EPHA5: variants seen among roughly 807,000 people sequenced by gnomAD.
EPHA5 encodes the protein EPH receptor A5, also known as ephrin type-A receptor 5.
EPHA5 carries 60 observed loss-of-function variants against 105.0 expected under a neutral mutation model. The observed-to-expected ratio is 0.57, with a 90% CI of 0.46 to 0.71. The LOEUF (loss-of-function observed/expected upper bound fraction) is 0.71, where lower values mean the gene tolerates loss of function less well. EPHA5 is among the 30% of genes least tolerant of loss of function. EPHA5 has a pLI of 0.00. For missense variants in EPHA5, 1,218 were observed against 1,274.7 expected, an observed-to-expected ratio of 0.96 and a Z score of 0.68; for synonymous variants, 513 against 449.1, an observed-to-expected ratio of 1.14 and a Z score of -1.80.
intron 14 of EPHA5, among the ~76,000 whole-genome samples, chr4:65,343,534 A>AT (rs1721935130): frequency 6.6e-6 from 1 of 152,196 alleles, no homozygotes; most frequent in African/African-American, 2.4e-5. Context: ...GGAATATATC[A>AT]TTTGAAATTG....
intron 5 of EPHA5, among the ~76,000 whole-genome samples, chr4:65,483,200 T>C (rs1387072014): frequency 6.6e-6 from 1 of 152,218 alleles, no homozygotes; most frequent in Non-Finnish European, 1.5e-5. Context: ...TCATCCCTTT[T>C]TATGGCAGCA....
chr4:65,333,264 TTCTC>T (rs1314153693), intron 15 of EPHA5, among the ~76,000 whole-genome samples: 18 of 151,736 alleles, frequency 1.2e-4, no homozygotes, highest in Middle Eastern at 3.4e-3. Flanking sequence ...ACAAATACCT[TTCTC>T]TCTACTCAGG....
intron 5 of EPHA5, among the ~76,000 whole-genome samples, chr4:65,449,615 G>A (rs563635475): frequency 2.0e-5 from 3 of 152,104 alleles, no homozygotes; most frequent in Non-Finnish European, 2.9e-5. Context: ...GTTATGGGTT[G>A]AACAGTGTTC....
chr4:65,425,741 C>G (rs6858679), intron 5 of EPHA5, among the ~76,000 whole-genome samples: 22,385 of 152,008 alleles, frequency 0.15, 1,883 homozygotes, highest in East Asian at 0.23. Context: ...GAACCAGTGG[C>G]TCACTATTGT....
rs1719791038 is a variant in EPHA5, at chr4:65,323,423, T to C, written c.*691A>G. On this transcript the variant is annotated 3_prime_UTR_variant, in exon 17 of 17. Transcript: ENST00000613740. ...TCCATCTTAAATCAGTTCCTGGGTA[T>C]ATTGCAAATTATACAGTATATACAC... 8.7e-6 allele frequency: 2 copies of C among 229,964 alleles called. No homozygotes were observed. Among genetic ancestry groups the C allele is most frequent in the African/African-American group, 4.4e-5 (2 of 45,136 alleles). 14.2% of individuals were successfully genotyped at this position (229,964 alleles called of 1,614,324 possible). A position where few individuals can be genotyped will look rare whatever the true frequency, so the allele number is the denominator to read the frequency against.
At chr4:65,474,568 G>A (rs1398370811) in intron 5 of EPHA5, among the ~76,000 whole-genome samples, 3 of 152,062 alleles carry the variant, frequency 2.0e-5, no homozygotes, top group Admixed American at 6.6e-5. Flanking sequence ...ATTCGAAAAT[G>A]TAAGATCAAA....
chr4:65,491,075 G>A (rs1731355204), intron 4 of EPHA5, among the ~76,000 whole-genome samples: 1 of 151,650 alleles, frequency 6.6e-6, no homozygotes, highest in South Asian at 2.1e-4. Context: ...TTCCTCATTG[G>A]TGCTAATCCC....
Position 65,320,454 on chromosome 4 carries a change from T to A in EPHA5, c.*3660A>T, listed in dbSNP as rs1288341217. 2 of 229,302 alleles carry A rather than the reference T, an allele frequency of 8.7e-6. No homozygotes were observed. Among genetic ancestry groups the A allele is most frequent in the Non-Finnish European group, 1.7e-5 (2 of 115,580 alleles). The allele number at this position is 229,302 out of a possible 1,614,324, so 14.2% of individuals were successfully genotyped here. A position where few individuals can be genotyped will look rare whatever the true frequency, so the allele number is the denominator to read the frequency against. On this transcript the variant is annotated 3_prime_UTR_variant, in exon 17 of 17. Transcript: ENST00000613740. ...ACTATCACACTTCTTTTTTTTCTTATTTTTAGGAAAAACAAAATGAGAAAG... is the reference window on the plus strand; with the variant it reads ...ACTATCACACTTCTTTTTTTTCTTAATTTTAGGAAAAACAAAATGAGAAAG...
intron 3 of EPHA5, among the ~76,000 whole-genome samples, chr4:65,505,002 A>G (rs564283256): frequency 6.6e-6 from 1 of 152,190 alleles, no homozygotes; most frequent in South Asian, 2.1e-4. Flanking sequence ...AAATAAGAGT[A>G]CTTCAATAAT....
At chr4:65,523,437 T>C (rs917881618) in intron 3 of EPHA5, among the ~76,000 whole-genome samples, 5 of 152,056 alleles carry the variant, frequency 3.3e-5, no homozygotes, top group South Asian at 2.1e-4. Flanking sequence ...AATTTTTCCA[T>C]AGTTCTTTGG....
chr4:65,400,694 CT>C (rs373958708), intron 8 of EPHA5, among the ~76,000 whole-genome samples: 1 of 152,010 alleles, frequency 6.6e-6, no homozygotes, highest in Non-Finnish European at 1.5e-5. Context: ...AAAAGTTAAC[CT>C]TTTTTATTTG....
At chr4:65,420,648 T>A (rs2149037941) in intron 5 of EPHA5, 83 bp from the exon 6 acceptor site, 4 of 1,298,274 alleles carry the variant, frequency 3.1e-6, no homozygotes, top group Non-Finnish European at 4.2e-6. Context: ...TATATTGGCA[T>A]TTTGAGAACG....
At chr4:65,567,177 C>G (rs945598509) in intron 3 of EPHA5, among the ~76,000 whole-genome samples, 6 of 151,572 alleles carry the variant, frequency 4.0e-5, no homozygotes, top group African/African-American at 1.5e-4. Context: ...CTTTTTATGT[C>G]TTGAAAAGTT....
At position 65,386,541 on chromosome 4, in the gene EPHA5, C is replaced by A. The variant is rs113306755; in HGVS notation, c.1793+17833G>T. Among the ~76,000 whole-genome samples the A allele has an allele frequency of 6.1e-3, 920 of 151,954 alleles. 14 individuals are homozygous for A. The highest frequency in any genetic ancestry group is 0.02 in the African/African-American group (841 of 41,508). On this transcript the variant is annotated intron_variant, in intron 8 of 16. Coordinates refer to ENST00000613740, the MANE Select transcript of EPHA5 (RefSeq NM_001281766.3). ...TAGTAAGATACAAAACATGCACACA[C>A]AGAGGCACACAAAATCTTTCTCTCA...
chr4:65,321,829 A>T lies in EPHA5; in HGVS notation c.*2285T>A. On this transcript the variant is annotated 3_prime_UTR_variant, in exon 17 of 17. Coordinates refer to ENST00000613740, the MANE Select transcript of EPHA5 (RefSeq NM_001281766.3). Reference sequence around the variant, plus strand: ...AAAATATCTTTGTTATGTCTAAGCAATTGTGGCAAGTTCATCAGCCCTAAA... The same window carrying T: ...AAAATATCTTTGTTATGTCTAAGCATTTGTGGCAAGTTCATCAGCCCTAAA... 1 of 227,174 alleles carries T rather than the reference A, an allele frequency of 4.4e-6. No individual in the cohort carries two copies. The highest frequency in any genetic ancestry group is 6.3e-5 in the East Asian group (1 of 15,928). The allele number at this position is 227,174 out of a possible 1,614,324, so 14.1% of individuals were successfully genotyped here. A position where few individuals can be genotyped will look rare whatever the true frequency, so the allele number is the denominator to read the frequency against.
At chr4:65,502,365 T>G (rs1289025499) in intron 3 of EPHA5, among the ~76,000 whole-genome samples, 1 of 151,416 alleles carries the variant, frequency 6.6e-6, no homozygotes, top group East Asian at 1.9e-4. Context: ...GACAAAGATC[T>G]AATATCCAGA....
intron 8 of EPHA5, among the ~76,000 whole-genome samples, chr4:65,370,707 G>T (rs1718373627): frequency 6.6e-6 from 1 of 152,096 alleles, no homozygotes; most frequent in Non-Finnish European, 1.5e-5. Context: ...AAATACCTTG[G>T]TGAGGAGCAG....
At chr4:65,408,425 G>A (rs1447651661) in intron 7 of EPHA5, among the ~76,000 whole-genome samples, 1 of 151,984 alleles carries the variant, frequency 6.6e-6, no homozygotes, top group Non-Finnish European at 1.5e-5. Flanking sequence ...AGAAAATATT[G>A]AAGCAATGTA....
chr4:65,662,519 A>C (rs755754940), intron 1 of EPHA5, among the ~76,000 whole-genome samples: 4 of 152,114 alleles, frequency 2.6e-5, no homozygotes, highest in African/African-American at 4.8e-5. Context: ...GGTGTCCAAC[A>C]CAACAAGTGT....
Sources: gnomAD v4.1 joint callset for allele counts (sites outside exome capture counted in the v4.1 genomes callset) on GRCh38, gnomAD v4.1.1 for gene constraint, MANE v1.5 for transcripts, NCBI Gene and HGNC (gene_info 2026-07-23, HGNC 2026-07-21) for gene names.